Variants in CHCT1 observed in about 807,000 individuals in gnomAD.
The protein encoded by CHCT1 is CHD1 helical C-terminal domain containing 1, also known as CHD1 helical C-terminal domain containing protein 1.
the CHCT1 span, chr17:60,425,674 G>A: frequency 1.3e-6 from 1 of 743,190 alleles, no homozygotes; most frequent in Non-Finnish European, 2.3e-6. Context: ...AAGAAGGTCT[G>A]AGGGCAATGG....
the CHCT1 span, chr17:60,429,251 G>A: frequency 8.2e-7 from 1 of 1,218,152 alleles, no homozygotes; most frequent in Non-Finnish European, 1.1e-6. Context: ...GGTTAGGCAA[G>A]TGTGACCGGC....
At chr17:60,429,370 C>T in the CHCT1 span, 3 of 1,613,352 alleles carry the variant, frequency 1.9e-6, no homozygotes, top group South Asian at 2.2e-5. Context: ...AGGTGACATT[C>T]TGCGCCTCGG....
the CHCT1 span, chr17:60,421,738 C>A: frequency 1.2e-6 from 1 of 802,608 alleles, no homozygotes. Flanking sequence ...TACACCCGGA[C>A]TCTGCCCACC....
At chr17:60,427,704 C>T in the CHCT1 span, among the ~76,000 whole-genome samples, 10 of 152,222 alleles carry the variant, frequency 6.6e-5, no homozygotes, top group Admixed American at 2.6e-4. Flanking sequence ...TGAGCCATCG[C>T]GCCCAGCCTA....
the CHCT1 span, among the ~76,000 whole-genome samples, chr17:60,430,641 T>G: frequency 6.6e-6 from 1 of 152,148 alleles, no homozygotes; most frequent in African/African-American, 2.4e-5. Context: ...CCACCACACC[T>G]GGCTATTTTT....
chr17:60,421,945 G>C, the CHCT1 span: 1 of 985,270 alleles, frequency 1.0e-6, no homozygotes, highest in African/African-American at 1.7e-5. Flanking sequence ...GCCGCGGGGA[G>C]GGTTACAGAG....
the CHCT1 span, among the ~76,000 whole-genome samples, chr17:60,427,865 C>T: frequency 5.3e-5 from 8 of 152,098 alleles, no homozygotes; most frequent in Non-Finnish European, 1.0e-4. Context: ...ACTCCCCTGG[C>T]GACCACTGAT....
the CHCT1 span, among the ~76,000 whole-genome samples, chr17:60,428,557 G>A: frequency 6.7e-6 from 1 of 148,268 alleles, no homozygotes; most frequent in Non-Finnish European, 1.5e-5. Flanking sequence ...GTGAGATCTT[G>A]GCTCACCACA....
the CHCT1 span, chr17:60,425,975 G>T: frequency 7.7e-7 from 1 of 1,298,404 alleles, no homozygotes; most frequent in South Asian, 1.3e-5. Context: ...GACCCACAGC[G>T]CATTGCCCCA....
the CHCT1 span, chr17:60,431,141 G>T: frequency 1.4e-6 from 2 of 1,386,002 alleles, no homozygotes; most frequent in East Asian, 2.4e-5. Flanking sequence ...CTTACTATTT[G>T]TGATGTCATT....
At chr17:60,428,476 T>C in the CHCT1 span, among the ~76,000 whole-genome samples, 1 of 147,528 alleles carries the variant, frequency 6.8e-6, no homozygotes, top group Admixed American at 6.6e-5. Flanking sequence ...CTGGATTTCA[T>C]TGGCCTGAAT....
the CHCT1 span, chr17:60,431,311 G>A: frequency 1.4e-6 from 2 of 1,421,902 alleles, no homozygotes; most frequent in Non-Finnish European, 1.9e-6. Flanking sequence ...GGCTCTCAGA[G>A]CACGGGGAAT....
At chr17:60,426,081 C>T in the CHCT1 span, 17 of 1,453,360 alleles carry the variant, frequency 1.2e-5, no homozygotes, top group Admixed American at 2.1e-5. Context: ...GCGGCCAGAC[C>T]GGTGTGCTGG....
the CHCT1 span, chr17:60,426,616 T>G: frequency 7.3e-7 from 1 of 1,365,080 alleles, no homozygotes; most frequent in Non-Finnish European, 9.9e-7. Context: ...CAAAGGGGCA[T>G]GTGGCCCATA....
chr17:60,422,727 G>T, the CHCT1 span: 1 of 1,385,900 alleles, frequency 7.2e-7, no homozygotes, highest in Non-Finnish European at 9.7e-7. Context: ...ATTCAGGAAA[G>T]AAGAGAAGAA....
chr17:60,426,887 GC>G, the CHCT1 span: 78 of 1,538,846 alleles, frequency 5.1e-5, no homozygotes, highest in Admixed American at 1.3e-3. Context: ...TTGCGGGGAG[GC>G]CTGGGATTGA....
chr17:60,428,618 C>T, the CHCT1 span, among the ~76,000 whole-genome samples: 1 of 151,324 alleles, frequency 6.6e-6, no homozygotes. Context: ...TCCTGAGTAG[C>T]TGGGATTACA....
the CHCT1 span, chr17:60,421,718 C>T: frequency 2.5e-6 from 2 of 795,000 alleles, no homozygotes; most frequent in South Asian, 5.7e-5. Context: ...CCTGCCCGGC[C>T]AACTCAGACT....
At chr17:60,427,199 G>A in the CHCT1 span, among the ~76,000 whole-genome samples, 1 of 152,212 alleles carries the variant, frequency 6.6e-6, no homozygotes, top group South Asian at 2.1e-4. Context: ...GCCCAGAGTA[G>A]CAGCACAGGG....
Sources: allele counts gnomAD v4.1 joint callset (sites outside exome capture counted in the v4.1 genomes callset), GRCh38; gene constraint gnomAD v4.1.1; transcripts MANE v1.5; gene names NCBI Gene and HGNC (gene_info 2026-07-23, HGNC 2026-07-21).